The following TXNDC16 variants were observed in gnomAD, a reference collection of about 807,000 sequenced individuals.
The protein encoded by TXNDC16 is thioredoxin domain containing 16.
Under a neutral mutation model 85.6 loss-of-function variants are expected in TXNDC16, and 74 were observed. The ratio of observed to expected loss-of-function variants is 0.86; its 90% CI spans 0.72 to 1.05. TXNDC16 has a LOEUF of 1.05. TXNDC16 is among the 50% of genes least tolerant of loss of function. The pLI is 0.00. For missense variants in TXNDC16, 959 were observed against 947.0 expected (o/e 1.01, Z -0.17); for synonymous variants, 335 against 326.5 (o/e 1.03, Z -0.28).
chr14:52,517,275 C>G, intron 7 of TXNDC16, among the ~76,000 whole-genome samples: 1 of 152,132 alleles, frequency 6.6e-6, no homozygotes, highest in East Asian at 1.9e-4. Flanking sequence ...CAGTGCTCAG[C>G]CTGTTCAATA....
At chr14:52,535,770 C>A (rs1283955156) in intron 6 of TXNDC16, among the ~76,000 whole-genome samples, 1 of 152,118 alleles carries the variant, frequency 6.6e-6, no homozygotes, top group East Asian at 1.9e-4. Flanking sequence ...TGTGTTGGGA[C>A]AAACTCTTTC....
At chr14:52,481,928 G>A (rs1414161939) in intron 14 of TXNDC16, among the ~76,000 whole-genome samples, 2 of 152,070 alleles carry the variant, frequency 1.3e-5, no homozygotes, top group Non-Finnish European at 2.9e-5. Flanking sequence ...GCACAGAGTA[G>A]GCACTCATAA....
chr14:52,504,308 G>T (rs905749820), intron 9 of TXNDC16, among the ~76,000 whole-genome samples: 2 of 152,138 alleles, frequency 1.3e-5, no homozygotes, highest in Non-Finnish European at 2.9e-5. Context: ...AAATGTTAAG[G>T]GCAGCCAGAG....
chr14:52,481,045 T>C lies in TXNDC16; in HGVS notation c.1312+1185A>G, dbSNP rs188703726. On this transcript the variant is annotated intron_variant, in intron 14 of 20. Coordinates refer to ENST00000281741, the MANE Select transcript of TXNDC16 (RefSeq NM_020784.3). The stretch of plus-strand genomic sequence containing the variant: ...ACAAAAAGGAATGAATTAATGGCAT[T>C]TGCAGTGACCAGGATGAGACTGGAG... 2.2e-3 allele frequency among the ~76,000 whole-genome samples: 329 copies of C among 149,778 alleles called. 2 individuals carry two copies. Among genetic ancestry groups the C allele is most frequent in the African/African-American group, 7.8e-3 (319 of 40,878 alleles).
intron 18 of TXNDC16, among the ~76,000 whole-genome samples, chr14:52,452,804 A>G (rs2035442056): frequency 6.6e-6 from 1 of 152,150 alleles, no homozygotes; most frequent in Admixed American, 6.6e-5. Context: ...TCCCACAGGC[A>G]CAGGCAACCA....
chr14:52,529,575 AAT>A (rs1491144774), intron 6 of TXNDC16, among the ~76,000 whole-genome samples: 1 of 92,906 alleles, frequency 1.1e-5, no homozygotes, highest in Non-Finnish European at 2.0e-5. Flanking sequence ...TATTATATAT[AAT>A]ATATATAATG....
At chr14:52,511,451 T>C in intron 8 of TXNDC16, 61 bp from the exon 9 acceptor site, 1 of 1,132,546 alleles carries the variant, frequency 8.8e-7, no homozygotes, top group Non-Finnish European at 1.2e-6. Flanking sequence ...TACCATCCAA[T>C]AAGCTGTAAC....
At chr14:52,482,385 A>G (rs556880536) in intron 13 of TXNDC16, 96 bp from the exon 14 acceptor site, 1 of 1,006,210 alleles carries the variant, frequency 9.9e-7, no homozygotes, top group South Asian at 1.5e-5. Flanking sequence ...GAGGTTTCCC[A>G]AAATTATTGT....
chr14:52,550,032 A>T (rs1469243579), intron 1 of TXNDC16, among the ~76,000 whole-genome samples: 1 of 152,192 alleles, frequency 6.6e-6, no homozygotes, highest in East Asian at 1.9e-4. Context: ...ATTTGGACAC[A>T]TTTAAATTTT....
rs929587127 is a variant in TXNDC16 at position 52,468,656 on chromosome 14, C to A, written c.1618+1381G>T. ...ACTTTGGGAGGCCAGGGCAGGAAAACTGCTTGAGCCCAGGAGTTTGAGACC... is the reference window on the plus strand; with the variant it reads ...ACTTTGGGAGGCCAGGGCAGGAAAAATGCTTGAGCCCAGGAGTTTGAGACC... On this transcript the variant is annotated intron_variant, in intron 16 of 20. Transcript: ENST00000281741. Among the ~76,000 whole-genome samples the A allele has an allele frequency of 9.9e-5, 15 of 152,054 alleles. 1 individual carries two copies. The highest frequency in any genetic ancestry group is 9.8e-4 in the Admixed American group (15 of 15,260).
chr14:52,490,839 C>G lies in TXNDC16; in HGVS notation c.923G>C (p.Arg308Thr), dbSNP rs1249830927. The stretch of plus-strand genomic sequence containing the variant: ...AGTAAATATTCGATGTTTAAGATAC[C>G]TTAACAAGAGTAGAACTCCTGCTTT... ...LGKAGVLLLLRDSLEVNIPQD... is the reference protein window; with the variant it reads ...LGKAGVLLLLTDSLEVNIPQD... The change falls in exon 10 of 21, where the codon AGG becomes ACG. Residue 308 changes from arginine to threonine, a missense_variant and splice_region_variant. Coordinates refer to ENST00000281741, the MANE Select transcript of TXNDC16 (RefSeq NM_020784.3). 2 of 1,606,842 alleles carry G rather than the reference C, an allele frequency of 1.2e-6. No individual in the cohort carries two copies. The highest frequency in any genetic ancestry group is 2.7e-5 in the African/African-American group (2 of 74,294).
At chr14:52,446,432 C>A (rs1260369361) in intron 18 of TXNDC16, among the ~76,000 whole-genome samples, 2 of 152,160 alleles carry the variant, frequency 1.3e-5, no homozygotes, top group African/African-American at 4.8e-5. Context: ...TGAATTACAG[C>A]AAGACTTGTC....
chr14:52,532,517 A>G (rs1347566673), intron 6 of TXNDC16, among the ~76,000 whole-genome samples: 1 of 152,134 alleles, frequency 6.6e-6, no homozygotes, highest in African/African-American at 2.4e-5. Flanking sequence ...GCTCACTGCA[A>G]GCTCCACCTC....
Position 52,519,312 on chromosome 14 carries a change from T to A in TXNDC16, c.393-19A>T. 1.3e-6 allele frequency: 2 copies of A among 1,558,526 alleles called. No homozygotes were observed. Among genetic ancestry groups the A allele is most frequent in the South Asian group, 2.3e-5 (2 of 86,106 alleles). ...AAGAGCACTGAAATAAATACAGATA[T>A]AATTAGTAGAAAAATCTGATATGTA... On this transcript the variant is annotated intron_variant, in intron 6 of 20. Transcript: ENST00000281741.
intron 4 of TXNDC16, among the ~76,000 whole-genome samples, chr14:52,540,583 C>T (rs2037807286): frequency 6.6e-6 from 1 of 152,122 alleles, no homozygotes; most frequent in Admixed American, 6.5e-5. Flanking sequence ...CAAGATGGTG[C>T]CACTGCACTC....
At chr14:52,487,772 T>A (rs1277689021) in intron 12 of TXNDC16, among the ~76,000 whole-genome samples, 1 of 152,246 alleles carries the variant, frequency 6.6e-6, no homozygotes, top group Non-Finnish European at 1.5e-5. Flanking sequence ...ACTCTTCATG[T>A]ATAAAATGAA....
At chr14:52,524,973 T>C (rs1338235797) in intron 6 of TXNDC16, among the ~76,000 whole-genome samples, 2 of 151,690 alleles carry the variant, frequency 1.3e-5, no homozygotes, top group South Asian at 2.1e-4. Context: ...ATACAAAAAA[T>C]TAGCCGGGCA....
intron 12 of TXNDC16, among the ~76,000 whole-genome samples, chr14:52,486,720 T>C (rs17831802): frequency 0.11 from 16,640 of 152,126 alleles, 1,174 homozygotes; most frequent in Non-Finnish European, 0.15. Context: ...CCATACAACA[T>C]TCTGGGCCAG....
Position 52,514,953 on chromosome 14 carries a change from C to T in TXNDC16, c.532G>A (p.Glu178Lys). The change falls in exon 8 of 21, where the codon GAA (glutamate) becomes AAA (lysine). Residue 178 changes from glutamate (E) to lysine (K), a missense_variant. Glu to Lys is a moderately conservative substitution (Grantham distance 56). Transcript: ENST00000281741. ...IGIPEHRAVM[E>K]AAFVYGTTYQ... ...GTAGTCCCATACACAAAAGCGGCTTCCATGACTGCTCTGTGCTCTGAAGAA... is the reference window on the plus strand; with the variant it reads ...GTAGTCCCATACACAAAAGCGGCTTTCATGACTGCTCTGTGCTCTGAAGAA... 1 of 1,612,464 alleles carries T rather than the reference C, an allele frequency of 6.2e-7. No homozygotes were observed. Among genetic ancestry groups the T allele is most frequent in the East Asian group, 2.2e-5 (1 of 44,842 alleles).
Sources: gnomAD v4.1 joint callset for allele counts (sites outside exome capture counted in the v4.1 genomes callset) on GRCh38, gnomAD v4.1.1 for gene constraint, MANE v1.5 for transcripts, NCBI Gene and HGNC (gene_info 2026-07-23, HGNC 2026-07-21) for gene names.